AIG1: variants seen among roughly 807,000 people sequenced by gnomAD.
The protein encoded by AIG1 is androgen induced 1.
Under a neutral mutation model 31.4 loss-of-function variants are expected in AIG1, and 23 were observed. That is an observed-to-expected ratio of 0.73 (90% confidence interval 0.53 to 1.04). The LOEUF is 1.04. AIG1 is among the 50% of genes least tolerant of loss of function. The pLI is 0.00. For missense variants in AIG1, 274 were observed against 295.0 expected, an observed-to-expected ratio of 0.93 and a Z score of 0.52; for synonymous variants, 100 against 110.5, an observed-to-expected ratio of 0.90 and a Z score of 0.60.
chr6:143,106,397 T>C (rs921312525), intron 1 of AIG1, among the ~76,000 whole-genome samples: 6 of 152,216 alleles, frequency 3.9e-5, no homozygotes, highest in African/African-American at 9.7e-5. Flanking sequence ...AATCATCCAG[T>C]GTATGATGCT....
At chr6:143,103,210 G>A (rs1255678350) in intron 1 of AIG1, among the ~76,000 whole-genome samples, 1 of 152,176 alleles carries the variant, frequency 6.6e-6, no homozygotes, top group Non-Finnish European at 1.5e-5. Context: ...GTGATGTAAT[G>A]GGGGTGTCAG....
Position 143,331,169 on chromosome 6 carries a change from A to G in AIG1, c.516-2113A>G, listed in dbSNP as rs925142752. 6.6e-6 allele frequency among the ~76,000 whole-genome samples: 1 copy of G among 152,018 alleles called. No homozygotes were observed. Among genetic ancestry groups the G allele is most frequent in the African/African-American group, 2.4e-5 (1 of 41,380 alleles). ...TTTTTTTTTTCCTAATTTCCACCACAGGAACATTTTTTATTGTGCTAAAAT... is the reference window on the plus strand; with the variant it reads ...TTTTTTTTTTCCTAATTTCCACCACGGGAACATTTTTTATTGTGCTAAAAT... On this transcript the variant is annotated intron_variant, in intron 4 of 5. Transcript: ENST00000357847. The surrounding 1 kb of genome is among the most constrained non-coding windows in gnomAD (Gnocchi z 4.1).
chr6:143,188,843 T>C, intron 3 of AIG1: 1 of 985,204 alleles, frequency 1.0e-6, no homozygotes, highest in Non-Finnish European at 1.2e-6. Context: ...CTTTTTACAC[T>C]GCCTGGGATT....
intron 1 of AIG1, among the ~76,000 whole-genome samples, chr6:143,128,045 T>G (rs1359668055): frequency 6.6e-6 from 1 of 152,116 alleles, no homozygotes; most frequent in Admixed American, 6.6e-5. Context: ...ATAAAAGCAA[T>G]TCTGGATAAA....
intron 4 of AIG1, among the ~76,000 whole-genome samples, chr6:143,309,402 A>G (rs2128705817): frequency 6.6e-6 from 1 of 152,194 alleles, no homozygotes; most frequent in African/African-American, 2.4e-5. Context: ...TTTTTAAGTG[A>G]GGTATTAGAG....
intron 4 of AIG1, among the ~76,000 whole-genome samples, chr6:143,302,202 TTTTC>T (rs891171693): frequency 2.6e-5 from 4 of 151,716 alleles, no homozygotes; most frequent in African/African-American, 9.7e-5. Context: ...TTTTTTATTT[TTTTC>T]TTTCTTTTTT....
intron 1 of AIG1, among the ~76,000 whole-genome samples, chr6:143,061,898 A>G (rs1776293990): frequency 2.0e-5 from 3 of 152,250 alleles, no homozygotes; most frequent in Non-Finnish European, 4.4e-5. Flanking sequence ...GAACTCATGG[A>G]TGGACCTAGG....
chr6:143,150,571 T>C (rs1421869056), intron 2 of AIG1, among the ~76,000 whole-genome samples: 2 of 152,142 alleles, frequency 1.3e-5, no homozygotes, highest in African/African-American at 2.4e-5. Context: ...ACTACTGCCA[T>C]TGTGGCTGTG....
chr6:143,194,112 T>C (rs1333511609), intron 3 of AIG1, among the ~76,000 whole-genome samples: 1 of 152,204 alleles, frequency 6.6e-6, no homozygotes, highest in Non-Finnish European at 1.5e-5. Context: ...CACACTGCTA[T>C]AAAAATACTA....
chr6:143,287,334 A>AAT (rs1202639778), intron 4 of AIG1, among the ~76,000 whole-genome samples: 2 of 152,030 alleles, frequency 1.3e-5, no homozygotes, highest in Non-Finnish European at 2.9e-5. Flanking sequence ...AGTTCCCCAA[A>AAT]CAGTCCTTAG....
chr6:143,317,750 G>T (rs533482369), intron 4 of AIG1, among the ~76,000 whole-genome samples: 2 of 152,084 alleles, frequency 1.3e-5, no homozygotes, highest in African/African-American at 2.4e-5. Context: ...AAACCTTAAC[G>T]ACTCCTCCAG....
chr6:143,086,887 T>C (rs1778835937), intron 1 of AIG1, among the ~76,000 whole-genome samples: 1 of 152,226 alleles, frequency 6.6e-6, no homozygotes, highest in African/African-American at 2.4e-5. Context: ...TGATCTCAGC[T>C]GGCTTATGCC....
At chr6:143,200,742 C>G (rs912824122) in intron 3 of AIG1, among the ~76,000 whole-genome samples, 1 of 152,066 alleles carries the variant, frequency 6.6e-6, no homozygotes, top group Non-Finnish European at 1.5e-5. Context: ...TTTGCTTTTC[C>G]GTTTCTTTGT....
intron 3 of AIG1, among the ~76,000 whole-genome samples, chr6:143,249,202 A>G (rs1375805744): frequency 1.3e-5 from 2 of 152,366 alleles, no homozygotes; most frequent in African/African-American, 2.4e-5. Flanking sequence ...ATCCAGGTAT[A>G]GAGTTGTCCT....
intron 3 of AIG1, among the ~76,000 whole-genome samples, chr6:143,230,973 C>T (rs911727867): frequency 6.6e-6 from 1 of 152,202 alleles, no homozygotes; most frequent in Non-Finnish European, 1.5e-5. Flanking sequence ...GGCTTAATCA[C>T]ATCACATGTG....
chr6:143,235,549 T>C (rs1323565799), intron 3 of AIG1, among the ~76,000 whole-genome samples: 2 of 152,206 alleles, frequency 1.3e-5, no homozygotes, highest in Non-Finnish European at 2.9e-5. Flanking sequence ...GGCCTTTTTC[T>C]GCTAAATGCC....
intron 3 of AIG1, among the ~76,000 whole-genome samples, chr6:143,273,936 C>T (rs1352498063): frequency 6.6e-6 from 1 of 152,146 alleles, no homozygotes; most frequent in Non-Finnish European, 1.5e-5. Context: ...ACCAAAAACA[C>T]AAGAAAGGTA....
chr6:143,130,307 C>CT (rs1173349799), intron 1 of AIG1, among the ~76,000 whole-genome samples: 1 of 152,054 alleles, frequency 6.6e-6, no homozygotes, highest in Non-Finnish European at 1.5e-5. Context: ...GTAGGAAAAT[C>CT]TAAGGTCTCA....
intron 4 of AIG1, among the ~76,000 whole-genome samples, chr6:143,308,463 TG>T (rs1774977477): frequency 6.6e-6 from 1 of 152,238 alleles, no homozygotes; most frequent in South Asian, 2.1e-4. Flanking sequence ...ACTCAACACC[TG>T]GGCTTGCTCA....
Sources: allele counts gnomAD v4.1 joint callset (sites outside exome capture counted in the v4.1 genomes callset), GRCh38; gene constraint gnomAD v4.1.1; non-coding constraint Gnocchi (gnomAD v3.1); transcripts MANE v1.5; gene names NCBI Gene and HGNC (gene_info 2026-07-23, HGNC 2026-07-21).